LAMA2: variants seen among roughly 807,000 people sequenced by gnomAD.
LAMA2 encodes the protein laminin subunit alpha 2, also known as laminin subunit alpha-2.
In LAMA2, 269 loss-of-function variants were observed where a neutral mutation model predicts 364.8. The ratio of observed to expected loss-of-function variants is 0.74; its 90% CI spans 0.67 to 0.82. The LOEUF (loss-of-function observed/expected upper bound fraction) is 0.82. Ranked by LOEUF, LAMA2 falls within the 40% of genes least tolerant of loss-of-function variation. The pLI is 0.00. For synonymous variants in LAMA2, 1,379 were observed against 1,370.6 expected, an observed-to-expected ratio of 1.01 and a Z score of -0.14; for missense variants, 3,807 against 3,873.2, an observed-to-expected ratio of 0.98 and a Z score of 0.45.
At chr6:129,445,386 C>T (rs1056818764) in intron 44 of LAMA2, among the ~76,000 whole-genome samples, 1 of 152,170 alleles carries the variant, frequency 6.6e-6, no homozygotes, top group African/African-American at 2.4e-5. Flanking sequence ...AGAAATTAAG[C>T]ATTGAATTAA....
At chr6:128,919,494 G>A (rs183029807) in intron 1 of LAMA2, among the ~76,000 whole-genome samples, 1 of 152,192 alleles carries the variant, frequency 6.6e-6, no homozygotes, top group African/African-American at 2.4e-5. Context: ...TGCCCTTTTT[G>A]TCGGTTCAAA....
chr6:129,168,498 G>A (rs1779909016), intron 9 of LAMA2, among the ~76,000 whole-genome samples: 2 of 151,904 alleles, frequency 1.3e-5, no homozygotes. Flanking sequence ...TATTTCTGAG[G>A]GCTCTGTTCT....
At chr6:128,961,143 A>G (rs1781464036) in intron 1 of LAMA2, among the ~76,000 whole-genome samples, 1 of 151,340 alleles carries the variant, frequency 6.6e-6, no homozygotes, top group South Asian at 2.1e-4. Context: ...AGAACGGAGT[A>G]TGAGCTAAGG....
At chr6:129,131,542 A>G (rs552751515) in intron 4 of LAMA2, among the ~76,000 whole-genome samples, 2 of 152,272 alleles carry the variant, frequency 1.3e-5, no homozygotes, top group African/African-American at 4.8e-5. Context: ...TGCTAAATCT[A>G]CAGAAAACTT....
intron 48 of LAMA2, 147 bp downstream of exon 48, chr6:129,456,641 T>G: frequency 1.2e-6 from 1 of 829,450 alleles, no homozygotes; most frequent in South Asian, 1.4e-5. Flanking sequence ...TTACTTTGAG[T>G]AAGAATTTTC....
chr6:129,454,247 G>A lies in LAMA2; in HGVS notation c.6666G>A (p.Leu2222=), dbSNP rs772358536. ...TTGGACGTGTAGAGTACCCAGATTT[G>A]ACTATTGATGACTCATATTGGTACC... ...SGVGRVEYPD[L]TIDDSYWYRI... The change falls in exon 47 of 65, where the codon TTG becomes TTA. Residue 2222 remains leucine, a synonymous_variant. Transcript: ENST00000421865. The A allele has an allele frequency of 3.9e-5, 63 of 1,611,976 alleles. 1 individual carries two copies. In the South Asian group the frequency reaches 6.9e-4, roughly 18 times the overall value.
chr6:129,012,768 A>T (rs1784842059), intron 1 of LAMA2, among the ~76,000 whole-genome samples: 1 of 152,244 alleles, frequency 6.6e-6, no homozygotes, highest in African/African-American at 2.4e-5. Flanking sequence ...ATAATTTTCA[A>T]ACCCACTGTG....
chr6:129,191,656 GTTGT>G (rs59956392), intron 11 of LAMA2, among the ~76,000 whole-genome samples: 26,748 of 152,068 alleles, frequency 0.18, 4,470 homozygotes, highest in African/African-American at 0.44. Context: ...AAGTCAACAG[GTTGT>G]ACCTGGTTTC....
chr6:129,017,556 A>G (rs1172958320), intron 1 of LAMA2, among the ~76,000 whole-genome samples: 1 of 152,064 alleles, frequency 6.6e-6, no homozygotes, highest in Non-Finnish European at 1.5e-5. Flanking sequence ...TTACATATAT[A>G]TATATATAAA....
chr6:129,252,184 T>C lies in LAMA2; in HGVS notation c.1985T>C (p.Ile662Thr). The C allele has an allele frequency of 6.2e-7, 1 of 1,613,696 alleles. No homozygotes were observed. The highest frequency in any genetic ancestry group is 1.1e-5 in the South Asian group (1 of 91,076). ...TTACTTAAAGAAGAATCATTTACCA[T>C]ACATGGCACACATTTTCCAGTCCGT... is the stretch of plus-strand genomic sequence containing the variant. Reference protein sequence around the residue: ...VLLLKEESFTIHGTHFPVRRK... With the variant: ...VLLLKEESFTTHGTHFPVRRK... The change falls in exon 14 of 65, where the codon ATA (isoleucine) becomes ACA (threonine). Residue 662 changes from isoleucine (I) to threonine (T), a missense_variant. Around this residue, in one of 3 missense-constraint regions of LAMA2, gnomAD observed 3,333 missense variants for 3,345.7 expected, o/e 1.00. Transcript: ENST00000421865.
intron 34 of LAMA2, among the ~76,000 whole-genome samples, chr6:129,376,570 C>T (rs1340279267): frequency 6.6e-6 from 1 of 152,164 alleles, no homozygotes; most frequent in Admixed American, 6.6e-5. Context: ...GGCCACATCT[C>T]CCATCACTTG....
chr6:129,125,494 CA>C (rs769912345), intron 4 of LAMA2, among the ~76,000 whole-genome samples: 11 of 152,104 alleles, frequency 7.2e-5, no homozygotes, highest in Non-Finnish European at 1.0e-4. Flanking sequence ...CTTGTAAAAC[CA>C]AGGAGCAAGC....
chr6:129,493,264 T>C (rs1784974876), intron 58 of LAMA2, among the ~76,000 whole-genome samples: 1 of 152,212 alleles, frequency 6.6e-6, no homozygotes, highest in Non-Finnish European at 1.5e-5. Flanking sequence ...GACACACAAC[T>C]ATTTTATAGT....
At chr6:129,298,519 A>G (rs1773348918) in intron 21 of LAMA2, among the ~76,000 whole-genome samples, 1 of 152,212 alleles carries the variant, frequency 6.6e-6, no homozygotes, top group Admixed American at 6.5e-5. Context: ...AGATGAAAGT[A>G]AAGAGTGAAC....
At chr6:129,158,936 T>C (rs1023213362) in intron 8 of LAMA2, 12 of 1,597,264 alleles carry the variant, frequency 7.5e-6, no homozygotes, top group Non-Finnish European at 1.0e-5. Context: ...CCCTCAGCAA[T>C]AGCACTTGAA....
intron 29 of LAMA2, among the ~76,000 whole-genome samples, chr6:129,328,635 G>A (rs1168956752): frequency 6.6e-6 from 1 of 152,160 alleles, no homozygotes; most frequent in African/African-American, 2.4e-5. Context: ...AATTTTAGCA[G>A]CATCTTAGAA....
At chr6:128,898,411 C>T (rs1776895012) in intron 1 of LAMA2, among the ~76,000 whole-genome samples, 1 of 152,148 alleles carries the variant, frequency 6.6e-6, no homozygotes, top group African/African-American at 2.4e-5. Context: ...GAAAATGGTA[C>T]CATCATTCAC....
intron 22 of LAMA2, among the ~76,000 whole-genome samples, chr6:129,306,180 A>G (rs1274766837): frequency 1.3e-5 from 2 of 151,878 alleles, no homozygotes; most frequent in Admixed American, 1.3e-4. Flanking sequence ...TGTGTATATC[A>G]ATTTTAATGC....
At chr6:128,938,864 T>A (rs1417042984) in intron 1 of LAMA2, among the ~76,000 whole-genome samples, 1 of 152,128 alleles carries the variant, frequency 6.6e-6, no homozygotes, top group Non-Finnish European at 1.5e-5. Flanking sequence ...TAATCTTAGT[T>A]AATGATCCCT....
Sources: gnomAD v4.1 joint callset for allele counts (sites outside exome capture counted in the v4.1 genomes callset) on GRCh38, gnomAD v4.1.1 for gene constraint, gnomAD v4.1.1 regional missense constraint, MANE v1.5 for transcripts, NCBI Gene and HGNC (gene_info 2026-07-23, HGNC 2026-07-21) for gene names.